Variants in GPC6 observed in about 807,000 individuals in gnomAD.
GPC6 encodes the protein glypican-6.
Under a neutral mutation model 55.2 loss-of-function variants are expected in GPC6, and 14 were observed. The ratio of observed to expected loss-of-function variants is 0.25; its 90% CI spans 0.17 to 0.40. The LOEUF is 0.40. GPC6 is among the 10% of genes least tolerant of loss of function. GPC6 has a pLI of 1.00. For synonymous variants in GPC6, 278 were observed against 259.6 expected, an observed-to-expected ratio of 1.07 and a Z score of -0.68; for missense variants, 641 against 708.5, an observed-to-expected ratio of 0.90 and a Z score of 1.08.
intron 1 of GPC6, among the ~76,000 whole-genome samples, chr13:93,353,477 C>T (rs1195221836): frequency 6.6e-6 from 1 of 152,246 alleles, no homozygotes; most frequent in Non-Finnish European, 1.5e-5. Context: ...ATGAACTTCT[C>T]GTGAAATTAT....
chr13:93,594,440 A>C (rs1339804127), intron 2 of GPC6, among the ~76,000 whole-genome samples: 2 of 152,086 alleles, frequency 1.3e-5, no homozygotes, highest in Non-Finnish European at 2.9e-5. Context: ...GATGTATATC[A>C]TATAATAGTA....
intron 2 of GPC6, among the ~76,000 whole-genome samples, chr13:93,711,293 G>A (rs112242955): frequency 0.013 from 2,027 of 151,830 alleles, 21 homozygotes; most frequent in Middle Eastern, 0.024. Context: ...AAATGAACAT[G>A]GAAGCAGGCA....
intron 4 of GPC6, among the ~76,000 whole-genome samples, chr13:94,282,786 A>G (rs1445031500): frequency 6.6e-6 from 1 of 152,232 alleles, no homozygotes; most frequent in Non-Finnish European, 1.5e-5. Flanking sequence ...GATTCTTGTA[A>G]GAGACAGAAA....
intron 1 of GPC6, among the ~76,000 whole-genome samples, chr13:93,333,434 C>T (rs148928976): frequency 7.3e-4 from 110 of 151,368 alleles, no homozygotes; most frequent in African/African-American, 2.6e-3. Flanking sequence ...GAATATATTA[C>T]TAGTTATTTG....
rs557347870 is a variant in GPC6, at chr13:93,556,963, A to G, written c.319+11542A>G. Among the ~76,000 whole-genome samples the G allele has an allele frequency of 9.5e-4, 144 of 152,292 alleles. 1 individual carries two copies. The highest frequency in any genetic ancestry group is 1.8e-3 in the Non-Finnish European group (122 of 68,024). Reference sequence around the variant, plus strand: ...GCACACTTTGATTCAAACATAAGGTATGGTTATTGTAGAAAACTTGTATAA... The same window carrying G: ...GCACACTTTGATTCAAACATAAGGTGTGGTTATTGTAGAAAACTTGTATAA... On this transcript the variant is annotated intron_variant, in intron 2 of 8. Coordinates refer to ENST00000377047, the MANE Select transcript of GPC6 (RefSeq NM_005708.5).
In GPC6 at chr13:93,227,195, GT is replaced by G. The variant is rs1875817901; in HGVS notation, c.-259del. The G allele has an allele frequency of 1.5e-5, 6 of 392,222 alleles. 1 individual carries two copies. The South Asian group carries it at 3.3e-4, about 22-fold the overall frequency. The allele number at this position is 392,222 out of a possible 1,614,324, so 24.3% of individuals were successfully genotyped here. A position where few individuals can be genotyped will look rare whatever the true frequency, so the allele number is the denominator to read the frequency against. On this transcript the variant is annotated 5_prime_UTR_variant, in exon 1 of 9. Coordinates refer to ENST00000377047, the MANE Select transcript of GPC6 (RefSeq NM_005708.5). The surrounding 1 kb of genome is among the most constrained non-coding windows in gnomAD (Gnocchi z 4.3). ...TTCTCTTCCTCGTTTTGATTGCACC[GT>G]TTCCATCTGGGGGCTAGAGGAGCAA...
At chr13:94,099,062 A>C (rs1885760097) in intron 4 of GPC6, among the ~76,000 whole-genome samples, 1 of 152,162 alleles carries the variant, frequency 6.6e-6, no homozygotes, top group Admixed American at 6.5e-5. Flanking sequence ...AGAGAACTAA[A>C]GCCATAACTA....
At chr13:94,352,616 T>G (rs1219753318) in intron 6 of GPC6, among the ~76,000 whole-genome samples, 2 of 152,298 alleles carry the variant, frequency 1.3e-5, no homozygotes, top group African/African-American at 4.8e-5. Context: ...CATACTTCAG[T>G]CCTTCAGGCC....
At chr13:93,744,225 G>A (rs1884307464) in intron 2 of GPC6, among the ~76,000 whole-genome samples, 1 of 152,150 alleles carries the variant, frequency 6.6e-6, no homozygotes, top group Non-Finnish European at 1.5e-5. Flanking sequence ...GACTTCCATG[G>A]CCAGTGTTTT....
intron 4 of GPC6, among the ~76,000 whole-genome samples, chr13:94,245,564 TC>T (rs1240375994): frequency 2.0e-5 from 3 of 152,024 alleles, no homozygotes; most frequent in African/African-American, 7.2e-5. Context: ...AGTAAGACCC[TC>T]CCTGTCTCTA....
intron 1 of GPC6, among the ~76,000 whole-genome samples, chr13:93,469,979 A>G (rs1174482920): frequency 2.6e-5 from 4 of 152,254 alleles, no homozygotes; most frequent in East Asian, 3.9e-4. Flanking sequence ...CAGTTGGTCA[A>G]TGTGTATATC....
At chr13:93,591,720 T>C (rs1459309515) in intron 2 of GPC6, among the ~76,000 whole-genome samples, 5 of 152,194 alleles carry the variant, frequency 3.3e-5, no homozygotes, top group Non-Finnish European at 5.9e-5. Flanking sequence ...AGCTATCATA[T>C]TCATATTTCT....
chr13:93,293,397 C>T (rs1200863217), intron 1 of GPC6, among the ~76,000 whole-genome samples: 1 of 152,072 alleles, frequency 6.6e-6, no homozygotes, highest in Non-Finnish European at 1.5e-5. Flanking sequence ...AATCTGATAT[C>T]TGTTTTTGTT....
intron 1 of GPC6, among the ~76,000 whole-genome samples, chr13:93,399,259 T>C (rs1180032712): frequency 6.6e-6 from 1 of 152,230 alleles, no homozygotes; most frequent in African/African-American, 2.4e-5. Context: ...GTGCATCTTC[T>C]CTTCATACAC....
intron 2 of GPC6, among the ~76,000 whole-genome samples, chr13:93,812,501 A>G (rs1886728845): frequency 6.6e-6 from 1 of 152,184 alleles, no homozygotes. Context: ...GAATATGTTT[A>G]ATTTCCCTTA....
intron 2 of GPC6, among the ~76,000 whole-genome samples, chr13:93,617,520 G>A (rs1391809871): frequency 1.3e-5 from 2 of 152,076 alleles, no homozygotes; most frequent in Non-Finnish European, 2.9e-5. Context: ...TAGCTCAGAA[G>A]CTTTCTGAGG....
chr13:93,871,493 T>C (rs1280599619), intron 3 of GPC6, among the ~76,000 whole-genome samples: 2 of 151,974 alleles, frequency 1.3e-5, no homozygotes, highest in African/African-American at 4.8e-5. Flanking sequence ...GCTCATCGTC[T>C]TTTCCAAAAA....
intron 4 of GPC6, among the ~76,000 whole-genome samples, chr13:94,232,486 T>C (rs1446273121): frequency 1.3e-5 from 2 of 152,062 alleles, no homozygotes; most frequent in African/African-American, 4.8e-5. Flanking sequence ...ATAGAGGAAA[T>C]CTAAATTTTT....
chr13:93,644,795 T>TA (rs1880105459), intron 2 of GPC6, among the ~76,000 whole-genome samples: 1 of 151,398 alleles, frequency 6.6e-6, no homozygotes, highest in Admixed American at 6.6e-5. Context: ...AATAAATAAA[T>TA]AAATAAATAA....
Sources: allele counts gnomAD v4.1 joint callset (sites outside exome capture counted in the v4.1 genomes callset), GRCh38; gene constraint gnomAD v4.1.1; non-coding constraint Gnocchi (gnomAD v3.1); transcripts MANE v1.5; gene names NCBI Gene and HGNC (gene_info 2026-07-23, HGNC 2026-07-21).